SLC44A5: variants seen among roughly 807,000 people sequenced by gnomAD.
SLC44A5 encodes solute carrier family 44 member 5, also known as choline transporter-like protein 5.
SLC44A5 carries 57 observed loss-of-function variants against 101.8 expected under a neutral mutation model. The observed-to-expected ratio is 0.56, with a 90% CI of 0.45 to 0.70. SLC44A5 has a LOEUF of 0.70. Among genes scored for constraint, SLC44A5 ranks in the 30% least tolerant of loss-of-function variants. The probability of loss-of-function intolerance (pLI) is 0.00; values close to 1 mark genes in which losing one functional copy is unlikely to be tolerated. For missense variants in SLC44A5, 737 were observed against 853.1 expected, an observed-to-expected ratio of 0.86 and a Z score of 1.70; for synonymous variants, 281 against 290.9, an observed-to-expected ratio of 0.97 and a Z score of 0.35.
At chr1:75,612,159 T>C (rs903227937), upstream of SLC44A5, among the ~76,000 whole-genome samples, 1 of 152,162 alleles carries the variant, frequency 6.6e-6, no homozygotes, top group African/African-American at 2.4e-5. Flanking sequence ...TGAGTATAAC[T>C]GGACCTTTTA....
intron 5 of SLC44A5, among the ~76,000 whole-genome samples, chr1:75,282,238 A>G (rs1453176980): frequency 6.6e-6 from 1 of 152,198 alleles, no homozygotes; most frequent in African/African-American, 2.4e-5. Context: ...TGACTGCCCT[A>G]TTGGATTACA....
intron 2 of SLC44A5, among the ~76,000 whole-genome samples, chr1:75,494,105 C>T (rs965994927): frequency 1.3e-5 from 2 of 152,136 alleles, no homozygotes; most frequent in African/African-American, 4.8e-5. Context: ...CGGGGCAATG[C>T]CATTATCAAA....
intron 2 of SLC44A5, among the ~76,000 whole-genome samples, chr1:75,448,222 G>A (rs146601720): frequency 2.7e-4 from 41 of 152,248 alleles, no homozygotes; most frequent in African/African-American, 9.4e-4. Context: ...GGGAGGCTCT[G>A]CTCCACAAGA....
intron 3 of SLC44A5, among the ~76,000 whole-genome samples, chr1:75,390,057 A>G (rs1379811976): frequency 1.3e-5 from 2 of 152,148 alleles, no homozygotes; most frequent in Non-Finnish European, 2.9e-5. Flanking sequence ...TAAACAAACT[A>G]AAAAATCTAG....
At chr1:75,469,924 AG>A (rs1323063573) in intron 2 of SLC44A5, among the ~76,000 whole-genome samples, 2 of 146,542 alleles carry the variant, frequency 1.4e-5, no homozygotes, top group African/African-American at 2.6e-5. Context: ...AAAAAAAAAA[AG>A]TAGAGTCAAC....
chr1:75,521,374 G>A (rs1670114125), intron 2 of SLC44A5, among the ~76,000 whole-genome samples: 2 of 152,038 alleles, frequency 1.3e-5, no homozygotes, highest in African/African-American at 4.8e-5. Context: ...AGGATCTTCT[G>A]TCATTCTTAA....
chr1:75,602,432 T>G (rs537516106), intron 1 of SLC44A5, among the ~76,000 whole-genome samples: 19 of 152,276 alleles, frequency 1.2e-4, no homozygotes, highest in African/African-American at 4.6e-4. Context: ...ACGTAAGACT[T>G]TCTGAGTGGT....
intron 2 of SLC44A5, among the ~76,000 whole-genome samples, chr1:75,540,324 A>G (rs553134200): frequency 6.6e-6 from 1 of 152,314 alleles, no homozygotes; most frequent in South Asian, 2.1e-4. Context: ...TATGTTAATA[A>G]TGCTGTATGT....
chr1:75,405,929 T>A (rs1283497355), intron 2 of SLC44A5, among the ~76,000 whole-genome samples: 3 of 148,258 alleles, frequency 2.0e-5, no homozygotes, highest in Admixed American at 2.0e-4. Context: ...CAGGAGCTGG[T>A]TTTTGAAAAG....
At chr1:75,647,236 T>C in the SLC44A5 span, among the ~76,000 whole-genome samples, 1 of 152,210 alleles carries the variant, frequency 6.6e-6, no homozygotes, top group Admixed American at 6.5e-5. Flanking sequence ...GCCCCAAGCC[T>C]TGGCCACTTG....
intron 3 of SLC44A5, among the ~76,000 whole-genome samples, chr1:75,342,672 T>C (rs1472721542): frequency 6.6e-6 from 1 of 152,158 alleles, no homozygotes; most frequent in Non-Finnish European, 1.5e-5. Context: ...TTTGTAATTA[T>C]TTGCTGTTTA....
chr1:75,559,099 G>A (rs891838396), intron 1 of SLC44A5, among the ~76,000 whole-genome samples: 14 of 151,952 alleles, frequency 9.2e-5, no homozygotes, highest in African/African-American at 3.4e-4. Context: ...AAGTGGAAAT[G>A]TACAAACTAT....
the SLC44A5 span, among the ~76,000 whole-genome samples, chr1:75,617,381 A>T: frequency 6.6e-6 from 1 of 152,184 alleles, no homozygotes; most frequent in South Asian, 2.1e-4. Context: ...CAGTGAAGTC[A>T]AAAACCCCAA....
intron 2 of SLC44A5, among the ~76,000 whole-genome samples, chr1:75,519,972 G>C (rs1355665456): frequency 2.6e-5 from 4 of 152,174 alleles, no homozygotes; most frequent in Non-Finnish European, 5.9e-5. Flanking sequence ...AAAAGTGGTC[G>C]GGACTGAAAT....
upstream of SLC44A5, among the ~76,000 whole-genome samples, chr1:75,612,635 C>T (rs1057470033): frequency 1.3e-5 from 2 of 152,118 alleles, no homozygotes; most frequent in Non-Finnish European, 2.9e-5. Flanking sequence ...TTCCAGGCCT[C>T]CTCTTACTTC....
intron 1 of SLC44A5, among the ~76,000 whole-genome samples, chr1:75,547,343 C>T (rs1213950556): frequency 6.6e-6 from 1 of 152,104 alleles, no homozygotes; most frequent in East Asian, 1.9e-4. Flanking sequence ...CAATGGGTGC[C>T]AAAACTATTG....
At chr1:75,253,944 T>A (rs556146281) in intron 6 of SLC44A5, among the ~76,000 whole-genome samples, 6 of 152,262 alleles carry the variant, frequency 3.9e-5, no homozygotes, top group Non-Finnish European at 5.9e-5. Flanking sequence ...ATCTCAAAGT[T>A]TTTTCAAGTA....
intron 2 of SLC44A5, among the ~76,000 whole-genome samples, chr1:75,536,263 C>T (rs1670992114): frequency 6.6e-6 from 1 of 152,030 alleles, no homozygotes; most frequent in African/African-American, 2.4e-5. Context: ...CCAGCAGAGT[C>T]CTGAGGATTA....
chr1:75,614,501 C>T (rs950403429), upstream of SLC44A5, among the ~76,000 whole-genome samples: 1 of 152,154 alleles, frequency 6.6e-6, no homozygotes, highest in Non-Finnish European at 1.5e-5. Flanking sequence ...TACTCCGGAG[C>T]AATTAAAAAG....
Sources: allele counts gnomAD v4.1 joint callset (sites outside exome capture counted in the v4.1 genomes callset), GRCh38; gene constraint gnomAD v4.1.1; transcripts MANE v1.5; gene names NCBI Gene and HGNC (gene_info 2026-07-23, HGNC 2026-07-21).